Variants in ABLIM2 observed in about 807,000 individuals in gnomAD.
ABLIM2 encodes actin binding LIM protein family member 2, also known as actin-binding LIM protein 2.
A neutral mutation model predicts 97.7 loss-of-function variants in ABLIM2; 53 were observed. The observed-to-expected ratio is 0.54, with a 90% CI of 0.44 to 0.68. The LOEUF is 0.68. Ranked by LOEUF, ABLIM2 falls within the 30% of genes least tolerant of loss-of-function variation. The pLI, the probability that ABLIM2 is intolerant of heterozygous loss-of-function variation, is 0.00. For synonymous variants in ABLIM2, 361 were observed against 345.8 expected (o/e 1.04, Z -0.49); for missense variants, 835 against 867.2 (o/e 0.96, Z 0.47).
Position 8,085,217 on chromosome 4 carries a change from G to A in ABLIM2, c.454+2952C>T, listed in dbSNP as rs73796850. Among the ~76,000 whole-genome samples, 10,639 of 152,052 alleles carry A rather than the reference G, an allele frequency of 0.07. 752 individuals carry two copies. Among genetic ancestry groups the A allele is most frequent in the East Asian group, 0.18 (907 of 5,142 alleles). ...AGCCACTCTCCCCTCCCCAGGGAGG[G>A]GCAGCCACACAGGCAGCCATGTGAG... On this transcript the variant is annotated intron_variant, in intron 4 of 20. Transcript: ENST00000447017. This position sits in a 1 kb window ranked among gnomAD's most constrained non-coding sequence, Gnocchi z 6.1.
At chr4:8,143,159 T>TTGG (rs58979220) in intron 1 of ABLIM2, among the ~76,000 whole-genome samples, 1,126 of 61,310 alleles carry the variant, frequency 0.018, 88 homozygotes, top group South Asian at 0.032. Context: ...GGGGCGAGAG[T>TTGG]GGGGGGGGGG....
At chr4:8,101,480 A>G (rs766892680) in intron 2 of ABLIM2, among the ~76,000 whole-genome samples, 3 of 152,232 alleles carry the variant, frequency 2.0e-5, no homozygotes, top group Non-Finnish European at 4.4e-5. Flanking sequence ...GCACGTGTGC[A>G]GGCATCTTGC....
intron 6 of ABLIM2, among the ~76,000 whole-genome samples, chr4:8,074,018 T>C (rs1577202730): frequency 7.9e-6 from 1 of 127,334 alleles, no homozygotes; most frequent in Non-Finnish European, 1.5e-5. Flanking sequence ...ACCCAGGAGG[T>C]GGAGGTTGCA....
At position 8,004,212 on chromosome 4, in the gene ABLIM2, C is replaced by A. The variant is rs758718898; in HGVS notation, c.1618+3847G>T. Reference sequence around the variant, plus strand: ...CAGCAGAGAGACAAGCAGAGACAAGCACCTCCCACCAGACATGGGACTCCG... The same window carrying A: ...CAGCAGAGAGACAAGCAGAGACAAGAACCTCCCACCAGACATGGGACTCCG... On this transcript the variant is annotated intron_variant, in intron 16 of 20. Coordinates refer to ENST00000447017, the MANE Select transcript of ABLIM2 (RefSeq NM_001130083.2). This position sits in a 1 kb window ranked among gnomAD's most constrained non-coding sequence, Gnocchi z 5.9. 3.3e-4 allele frequency among the ~76,000 whole-genome samples: 50 copies of A among 151,918 alleles called. No homozygotes were observed. Among genetic ancestry groups the A allele is most frequent in the Non-Finnish European group, 6.2e-4 (42 of 68,014 alleles).
At position 8,054,102 on chromosome 4, in the gene ABLIM2, G is replaced by C; in HGVS notation, c.822+86C>G. ...CGTGGGACTGGACAATGAGCCTGTA[G>C]AATCTGGTCAGTGTCCTCTTAACTG... On this transcript the variant is annotated intron_variant, in intron 8 of 20. Coordinates refer to ENST00000447017, the MANE Select transcript of ABLIM2 (RefSeq NM_001130083.2). This position sits in a 1 kb window ranked among gnomAD's most constrained non-coding sequence, Gnocchi z 4.9. 2.7e-6 allele frequency: 4 copies of C among 1,476,472 alleles called. No individual in the cohort carries two copies. In the South Asian group the frequency reaches 3.4e-5, roughly 13 times the overall value. The allele number at this position is 1,476,472 out of a possible 1,614,324, so 91.5% of individuals were successfully genotyped here. A position where few individuals can be genotyped will look rare whatever the true frequency, so the allele number is the denominator to read the frequency against.
chr4:8,135,314 T>A lies in ABLIM2; in HGVS notation c.10+23366A>T, dbSNP rs143822170. ...AACCGGGGCAGCCAGAAAGTGGACA[T>A]TGCACAGGCGATGTTTTGCTATCGA... On this transcript the variant is annotated intron_variant, in intron 1 of 20. Transcript: ENST00000447017. 3.3e-5 allele frequency among the ~76,000 whole-genome samples: 5 copies of A among 152,266 alleles called. No homozygotes were observed. In the East Asian group the frequency reaches 9.7e-4, roughly 29 times the overall value.
Position 8,069,843 on chromosome 4 carries a change from C to T in ABLIM2, c.675+7785G>A, listed in dbSNP as rs1366951438. The stretch of plus-strand genomic sequence containing the variant: ...TCTGTGTGTACGTGTCTGTGGGTGC[C>T]GTGTGTGTTTTCTGTGTGTCTGCGT... On this transcript the variant is annotated intron_variant, in intron 6 of 20. Transcript: ENST00000447017. The surrounding 1 kb of genome is among the most constrained non-coding windows in gnomAD (Gnocchi z 4.2). Among the ~76,000 whole-genome samples the T allele has an allele frequency of 4.0e-5, 6 of 150,948 alleles. No homozygotes were observed. Among genetic ancestry groups the T allele is most frequent in the Non-Finnish European group, 5.9e-5 (4 of 67,732 alleles).
intron 6 of ABLIM2, 27 bp downstream of exon 6, chr4:8,077,601 G>C: frequency 6.3e-7 from 1 of 1,580,078 alleles, no homozygotes; most frequent in Non-Finnish European, 8.6e-7. Flanking sequence ...GCTCAGAGCG[G>C]GCAGGGGCCC....
intron 20 of ABLIM2, among the ~76,000 whole-genome samples, chr4:7,980,249 C>T (rs766683133): frequency 6.6e-6 from 1 of 152,120 alleles, no homozygotes. Context: ...CTCCTCCCTT[C>T]GGAATTCAGG....
chr4:8,062,096 C>T (rs1312594748), intron 6 of ABLIM2, among the ~76,000 whole-genome samples: 1 of 151,768 alleles, frequency 6.6e-6, no homozygotes, highest in Non-Finnish European at 1.5e-5. Flanking sequence ...CAGCTGTCCC[C>T]TCCACTGGAG....
intron 20 of ABLIM2, among the ~76,000 whole-genome samples, chr4:7,978,235 A>T (rs1285680517): frequency 1.3e-5 from 2 of 152,182 alleles, no homozygotes; most frequent in Non-Finnish European, 2.9e-5. Flanking sequence ...CGCTGCTGAG[A>T]AAAGAGGGGC....
At chr4:8,041,006 T>C (rs368288686) in intron 9 of ABLIM2, among the ~76,000 whole-genome samples, 2 of 152,168 alleles carry the variant, frequency 1.3e-5, no homozygotes, top group African/African-American at 4.8e-5. Flanking sequence ...CCCCACACAT[T>C]CTCCCTTGTG....
intron 1 of ABLIM2, among the ~76,000 whole-genome samples, chr4:8,133,069 C>T (rs919273426): frequency 3.3e-5 from 5 of 152,156 alleles, no homozygotes; most frequent in African/African-American, 7.2e-5. Context: ...GGCCTCTTCC[C>T]GCTTCTGCTG....
intron 20 of ABLIM2, among the ~76,000 whole-genome samples, chr4:7,973,517 A>AG (rs1232812054): frequency 6.7e-6 from 1 of 149,686 alleles, no homozygotes; most frequent in African/African-American, 2.5e-5. Flanking sequence ...AAAAAAAGAG[A>AG]GAAAAAAAAG....
intron 11 of ABLIM2, 68 bp downstream of exon 11, chr4:8,029,586 TAA>T (rs758188738): frequency 0.019 from 19,623 of 1,024,090 alleles, no homozygotes; most frequent in Middle Eastern, 0.022. Context: ...AAAAAAAAAC[TAA>T]AAAAAAAAAA....
chr4:8,095,526 G>A lies in ABLIM2; in HGVS notation c.338+1573C>T, dbSNP rs374595786. ...TGCTCTGGCAGACAGTTTATTTGCA[G>A]ATCAACATGATCTTTTTTAAAAAAT... On this transcript the variant is annotated intron_variant, in intron 3 of 20. Transcript: ENST00000447017. This position sits in a 1 kb window ranked among gnomAD's most constrained non-coding sequence, Gnocchi z 4.7. Among the ~76,000 whole-genome samples the A allele has an allele frequency of 7.2e-5, 11 of 152,306 alleles. No homozygotes were observed. The East Asian group carries it at 2.1e-3, about 29-fold the overall frequency.
chr4:8,083,285 C>A lies in ABLIM2; in HGVS notation c.455-2483G>T, dbSNP rs765405504. Among the ~76,000 whole-genome samples the A allele has an allele frequency of 1.1e-4, 16 of 152,326 alleles. No homozygotes were observed. Among genetic ancestry groups the A allele is most frequent in the Non-Finnish European group, 1.6e-4 (11 of 68,036 alleles). ...GTGACCTGGGGAAGTCACTTCACCT[C>A]TCTGTGCCCCTGGAATGAGGGCACG... On this transcript the variant is annotated intron_variant, in intron 4 of 20. Coordinates refer to ENST00000447017, the MANE Select transcript of ABLIM2 (RefSeq NM_001130083.2). This position sits in a 1 kb window ranked among gnomAD's most constrained non-coding sequence, Gnocchi z 4.6.
rs1426517034 is a variant in ABLIM2, at chr4:8,068,272, G to A, written c.676-7218C>T. Among the ~76,000 whole-genome samples, 1 of 152,206 alleles carries A rather than the reference G, an allele frequency of 6.6e-6. No individual in the cohort carries two copies. The highest frequency in any genetic ancestry group is 2.4e-5 in the African/African-American group (1 of 41,448). The stretch of plus-strand genomic sequence containing the variant: ...GAGCAACTGAAAGACTTTGCAGTGA[G>A]TGGTTTTAGGAAGACATCTTGTGCC... On this transcript the variant is annotated intron_variant, in intron 6 of 20. Transcript: ENST00000447017. This position sits in a 1 kb window ranked among gnomAD's most constrained non-coding sequence, Gnocchi z 4.5.
chr4:7,995,379 G>C (rs1752527438), intron 16 of ABLIM2, among the ~76,000 whole-genome samples: 1 of 152,226 alleles, frequency 6.6e-6, no homozygotes. Context: ...CCTCCGAGGG[G>C]AAGGTGGCTC....
Sources: gnomAD v4.1 joint callset for allele counts (sites outside exome capture counted in the v4.1 genomes callset) on GRCh38, gnomAD v4.1.1 for gene constraint, Gnocchi (gnomAD v3.1) non-coding constraint, MANE v1.5 for transcripts, NCBI Gene and HGNC (gene_info 2026-07-23, HGNC 2026-07-21) for gene names.